The following RABGEF1 variants were observed in gnomAD, a reference collection of about 807,000 sequenced individuals.
RABGEF1 encodes the protein RAB guanine nucleotide exchange factor 1, also known as rab5 GDP/GTP exchange factor.
A neutral mutation model predicts 57.3 loss-of-function variants in RABGEF1; 26 were observed. That is an observed-to-expected ratio of 0.45 (90% CI 0.33 to 0.63). RABGEF1 has a LOEUF of 0.63. Among genes scored for constraint, RABGEF1 ranks in the 20% least tolerant of loss-of-function variants. The probability of loss-of-function intolerance (pLI) is 0.02; values close to 1 mark genes in which losing one functional copy is unlikely to be tolerated. For missense variants in RABGEF1, 464 were observed against 607.6 expected (o/e 0.76, Z 2.48); for synonymous variants, 185 against 210.7 (o/e 0.88, Z 1.06).
At chr7:66,673,978 T>C in the RABGEF1 span, among the ~76,000 whole-genome samples, 2 of 152,230 alleles carry the variant, frequency 1.3e-5, no homozygotes, top group Non-Finnish European at 2.9e-5. Flanking sequence ...TGGAACGAGT[T>C]CGTTCAGATA....
chr7:66,793,609 A>C (rs1240288295), intron 4 of RABGEF1, among the ~76,000 whole-genome samples: 6 of 152,216 alleles, frequency 3.9e-5, no homozygotes, highest in Non-Finnish European at 8.8e-5. Flanking sequence ...AAACTACCTA[A>C]AAAGATTGAA....
At chr7:66,752,456 T>C (rs1489306653) in intron 1 of RABGEF1, among the ~76,000 whole-genome samples, 1 of 151,412 alleles carries the variant, frequency 6.6e-6, no homozygotes, top group African/African-American at 2.4e-5. Flanking sequence ...ATCATGCCAC[T>C]GCACTCCAGC....
At chr7:66,763,899 G>A (rs1805063704) in intron 1 of RABGEF1, among the ~76,000 whole-genome samples, 2 of 152,086 alleles carry the variant, frequency 1.3e-5, no homozygotes, top group African/African-American at 4.8e-5. Context: ...GTACATTTGG[G>A]TTGTTTCTGC....
chr7:66,657,992 TAA>T, the RABGEF1 span, among the ~76,000 whole-genome samples: 2 of 151,936 alleles, frequency 1.3e-5, no homozygotes, highest in Non-Finnish European at 2.9e-5. Context: ...TAGATAAAAT[TAA>T]AAGTTTTTTT....
At chr7:66,803,329 A>G (rs1398231367) in intron 7 of RABGEF1, among the ~76,000 whole-genome samples, 1 of 152,208 alleles carries the variant, frequency 6.6e-6, no homozygotes, top group East Asian at 1.9e-4. Context: ...AAGCTGAAAG[A>G]ACCCTTTGGT....
intron 1 of RABGEF1, among the ~76,000 whole-genome samples, chr7:66,764,832 G>T (rs2129093788): frequency 6.6e-6 from 1 of 152,262 alleles, no homozygotes; most frequent in South Asian, 2.1e-4. Flanking sequence ...GACTTTCCTT[G>T]TGCCAGTACC....
intron 1 of RABGEF1, among the ~76,000 whole-genome samples, chr7:66,704,760 G>A (rs1260124344): frequency 6.6e-6 from 1 of 151,172 alleles, no homozygotes; most frequent in Non-Finnish European, 1.5e-5. Context: ...GCAGTGAGCC[G>A]AGATTGTGCC....
intron 1 of RABGEF1, among the ~76,000 whole-genome samples, chr7:66,687,875 C>T (rs548364367): frequency 3.5e-4 from 53 of 152,116 alleles, no homozygotes; most frequent in African/African-American, 9.6e-4. Flanking sequence ...CCCTTGAGGT[C>T]GGGAGTTCAA....
At chr7:66,804,884 T>G (rs1788099760) in intron 7 of RABGEF1, among the ~76,000 whole-genome samples, 2 of 152,120 alleles carry the variant, frequency 1.3e-5, no homozygotes, top group Admixed American at 1.3e-4. Context: ...ATGGATAATA[T>G]TAATAAGAGT....
chr7:66,663,741 TAATA>T, the RABGEF1 span, among the ~76,000 whole-genome samples: 42 of 151,908 alleles, frequency 2.8e-4, no homozygotes, highest in Middle Eastern at 3.4e-3. Context: ...TAAAGTATAA[TAATA>T]AATAAATAAA....
rs139094037 is a variant in RABGEF1 at position 66,757,322 on chromosome 7, A to G, written c.-17-14561A>G. On this transcript the variant is annotated intron_variant, in intron 1 of 8. Transcript: ENST00000284957. ...AGAGTTCCACAGATTTCATGTACCT[A>G]TCTAGCTTATTTCACATAAATGTGA... 3.2e-4 allele frequency among the ~76,000 whole-genome samples: 48 copies of G among 152,324 alleles called. 1 individual carries two copies. In the East Asian group the frequency reaches 8.9e-3, roughly 28 times the overall value.
intron 2 of RABGEF1, among the ~76,000 whole-genome samples, chr7:66,718,901 C>T (rs1023644671): frequency 2.0e-5 from 3 of 152,252 alleles, no homozygotes; most frequent in Non-Finnish European, 4.4e-5. Context: ...GGGCCCCTCC[C>T]TAGTCCTTTA....
chr7:66,789,256 G>A (rs569765822), intron 4 of RABGEF1, among the ~76,000 whole-genome samples: 1 of 152,288 alleles, frequency 6.6e-6, no homozygotes, highest in Admixed American at 6.5e-5. Context: ...TTTAATTATT[G>A]TGAGAACTTC....
chr7:66,699,195 C>G (rs1584750007), intron 1 of RABGEF1, among the ~76,000 whole-genome samples: 1 of 152,288 alleles, frequency 6.6e-6, no homozygotes, highest in East Asian at 1.9e-4. Context: ...GCTAGAGCCC[C>G]TCTCCAGGGA....
At chr7:66,672,299 G>C in the RABGEF1 span, among the ~76,000 whole-genome samples, 1 of 151,970 alleles carries the variant, frequency 6.6e-6, no homozygotes, top group Non-Finnish European at 1.5e-5. Flanking sequence ...GGGCGCGGTG[G>C]CGGGCACCTG....
chr7:66,722,620 C>G (rs762665178), intron 2 of RABGEF1, among the ~76,000 whole-genome samples: 4 of 152,120 alleles, frequency 2.6e-5, no homozygotes, highest in Non-Finnish European at 4.4e-5. Flanking sequence ...TTATGCTTAC[C>G]TTTTCTTCTA....
At chr7:66,775,188 A>T in intron 2 of RABGEF1, 39 bp from the exon 3 acceptor site, 3 of 1,568,528 alleles carry the variant, frequency 1.9e-6, no homozygotes, top group Non-Finnish European at 2.6e-6. Flanking sequence ...GAAACCTTGG[A>T]GAATATCTAG....
In RABGEF1 at chr7:66,740,737, C is replaced by T. The variant is rs998444704; in HGVS notation, c.-73C>T. ...CGGGAGCTGGCCGCGGAGCCCAGAC[C>T]TACCCGGGCGAAGCGGGCGAGCGGT... On this transcript the variant is annotated 5_prime_UTR_variant, in exon 1 of 9. Coordinates refer to ENST00000284957, the MANE Select transcript of RABGEF1 (RefSeq NM_014504.3). The T allele has an allele frequency of 6.5e-6, 1 of 152,836 alleles. No individual in the cohort carries two copies. Among genetic ancestry groups the T allele is most frequent in the Non-Finnish European group, 1.5e-5 (1 of 68,494 alleles). The allele number at this position is 152,836 out of a possible 1,614,324, so 9.5% of individuals were successfully genotyped here.
chr7:66,679,265 C>T (rs1220073649), upstream of RABGEF1, among the ~76,000 whole-genome samples: 4 of 152,162 alleles, frequency 2.6e-5, no homozygotes, highest in African/African-American at 7.2e-5. Context: ...GGTCACCTCA[C>T]GAGGCCACTC....
Sources: gnomAD v4.1 joint callset for allele counts (sites outside exome capture counted in the v4.1 genomes callset) on GRCh38, gnomAD v4.1.1 for gene constraint, MANE v1.5 for transcripts, NCBI Gene and HGNC (gene_info 2026-07-23, HGNC 2026-07-21) for gene names.